The following XKR3 variants were observed in gnomAD, a reference collection of about 807,000 sequenced individuals.
The protein encoded by XKR3 is XK related 3.
XKR3 carries 27 observed loss-of-function variants against 40.3 expected under a neutral mutation model. That is an observed-to-expected ratio of 0.67 (90% confidence interval 0.49 to 0.92). XKR3 has a LOEUF of 0.92. XKR3 is among the 40% of genes least tolerant of loss of function. The pLI, the probability that XKR3 is intolerant of heterozygous loss-of-function variation, is 0.00. For synonymous variants in XKR3, 193 were observed against 195.4 expected (o/e 0.99, Z 0.10); for missense variants, 472 against 537.6 (o/e 0.88, Z 1.21).
chr22:16,788,236 C>G (rs5748625), intron 3 of XKR3, among the ~76,000 whole-genome samples: 1 of 152,048 alleles, frequency 6.6e-6, no homozygotes, highest in Non-Finnish European at 1.5e-5. Context: ...TACCATATTT[C>G]TTGAGACAAA....
intron 1 of XKR3, among the ~76,000 whole-genome samples, chr22:16,819,699 C>T (rs1421052616): frequency 2.0e-5 from 3 of 151,960 alleles, no homozygotes; most frequent in South Asian, 2.1e-4. Context: ...CCCTCTTAGG[C>T]GTGGCAAAGA....
At chr22:16,796,214 C>T (rs1339986636) in intron 3 of XKR3, among the ~76,000 whole-genome samples, 5 of 152,004 alleles carry the variant, frequency 3.3e-5, no homozygotes, top group Admixed American at 6.6e-5. Flanking sequence ...AATAAAGAAC[C>T]TACCAATATT....
At chr22:16,784,507 C>G in intron 3 of XKR3, 98 bp from the exon 4 acceptor site, 4 of 1,093,246 alleles carry the variant, frequency 3.7e-6, no homozygotes, top group Non-Finnish European at 5.1e-6. Flanking sequence ...TTCTTCCTCA[C>G]CCACCTCCTT....
intron 3 of XKR3, among the ~76,000 whole-genome samples, chr22:16,795,042 A>G (rs1355578606): frequency 6.6e-6 from 1 of 152,216 alleles, no homozygotes; most frequent in Non-Finnish European, 1.5e-5. Context: ...TCAACACTTG[A>G]CCAAATGGAA....
chr22:16,795,889 C>T (rs1356288142), intron 3 of XKR3, among the ~76,000 whole-genome samples: 2 of 152,108 alleles, frequency 1.3e-5, no homozygotes, highest in Non-Finnish European at 1.5e-5. Flanking sequence ...ATTGCTTGAA[C>T]CTGGGAGGTG....
At chr22:16,794,440 C>A (rs1380562010) in intron 3 of XKR3, among the ~76,000 whole-genome samples, 1 of 151,716 alleles carries the variant, frequency 6.6e-6, no homozygotes, top group African/African-American at 2.4e-5. Context: ...AAAAAAAAAT[C>A]CAAGAATTTT....
intron 1 of XKR3, chr22:16,821,669 C>T (rs905337728): frequency 2.6e-5 from 4 of 151,924 alleles, no homozygotes; most frequent in Admixed American, 6.6e-5. Context: ...TTCACTGATA[C>T]GTTCTGCATC....
chr22:16,808,344 T>C (rs1281451292), intron 1 of XKR3, among the ~76,000 whole-genome samples: 1 of 152,194 alleles, frequency 6.6e-6, no homozygotes, highest in Non-Finnish European at 1.5e-5. Flanking sequence ...AACTACCTCT[T>C]AGCACTGAGA....
Position 16,783,918 on chromosome 22 carries a change from C to T in XKR3, c.1081G>A (p.Val361Ile). 1 of 1,614,150 alleles carries T rather than the reference C, an allele frequency of 6.2e-7. No individual in the cohort carries two copies. The highest frequency in any genetic ancestry group is 8.5e-7 in the Non-Finnish European group (1 of 1,180,030). The change falls in exon 4 of 4, where the codon GTA (valine) becomes ATA (isoleucine). Residue 361 changes from valine to isoleucine, a missense_variant. Coordinates refer to ENST00000684488, the MANE Select transcript of XKR3 (RefSeq NM_001386955.1). The part of the protein sequence containing the change: ...QFLENVIMIL[V>I]FRFFGGKTLL... ...GTTTTCCCTCCAAAGAACCTAAATACCAATATCATTATCACATTTTCTAAA... is the reference window on the plus strand; with the variant it reads ...GTTTTCCCTCCAAAGAACCTAAATATCAATATCATTATCACATTTTCTAAA...
At chr22:16,798,194 C>CAAAAAAAAAAAAAAAAAAAAAA in intron 3 of XKR3, among the ~76,000 whole-genome samples, 1 of 143,414 alleles carries the variant, frequency 7.0e-6, no homozygotes, top group Non-Finnish European at 1.5e-5. Context: ...AAAAAAAAAA[C>CAAAAAAAAAAAAAAAAAAAAAA]AACAACAACA....
In XKR3 at chr22:16,807,791, T is replaced by C. The variant is rs1458530311; in HGVS notation, c.283A>G (p.Asn95Asp). 1 of 1,612,888 alleles carries C rather than the reference T, an allele frequency of 6.2e-7. No individual in the cohort carries two copies. The highest frequency in any genetic ancestry group is 1.1e-5 in the South Asian group (1 of 90,990). The change falls in exon 2 of 4, where the codon AAT (asparagine) becomes GAT (aspartate). Residue 95 changes from asparagine to aspartate, a missense_variant. Asn to Asp is a conservative substitution (Grantham distance 23). Transcript: ENST00000684488. ...LMFFNKDLRR[N>D]KAALLFWHIL... ...TGCCAAAAAAGTAATGCAGCCTTAT[T>C]TCTCCTCAAGTCTTTGTTGAAAAAC...
chr22:16,784,865 A>G (rs1348660936), intron 3 of XKR3, among the ~76,000 whole-genome samples: 4 of 152,254 alleles, frequency 2.6e-5, no homozygotes, highest in Non-Finnish European at 5.9e-5. Context: ...TAGGAGACTA[A>G]TGTAATATAG....
In XKR3 at chr22:16,791,271, T is replaced by C. The variant is rs556720072; in HGVS notation, c.590-6862A>G. Among the ~76,000 whole-genome samples the C allele has an allele frequency of 1.5e-4, 22 of 151,670 alleles. No individual in the cohort carries two copies. In the South Asian group the frequency reaches 4.6e-3, roughly 32 times the overall value. ...GCAACAGGGATGAACCTGGAAGACA[T>C]TACGTTGAGTGAAAAAAAATGGTCT... On this transcript the variant is annotated intron_variant, in intron 3 of 3. Transcript: ENST00000684488.
chr22:16,789,244 ATAT>A (rs757233123), intron 3 of XKR3, among the ~76,000 whole-genome samples: 85 of 152,304 alleles, frequency 5.6e-4, no homozygotes, highest in Non-Finnish European at 1.0e-3. Context: ...TTTCCTAATG[ATAT>A]TATATGGAAA....
chr22:16,792,444 G>A (rs1414732479), intron 3 of XKR3, among the ~76,000 whole-genome samples: 135 of 152,294 alleles, frequency 8.9e-4, no homozygotes, highest in African/African-American at 3.2e-3. Context: ...GAACTTATTT[G>A]TAAAAAAATT....
chr22:16,794,592 G>C (rs2060133037), intron 3 of XKR3, among the ~76,000 whole-genome samples: 1 of 152,156 alleles, frequency 6.6e-6, no homozygotes, highest in Non-Finnish European at 1.5e-5. Context: ...TGAAAGAATG[G>C]TATCTGCTCT....
chr22:16,822,125 T>C (rs900302243), intron 1 of XKR3, among the ~76,000 whole-genome samples: 7 of 152,142 alleles, frequency 4.6e-5, no homozygotes, highest in Admixed American at 3.3e-4. Context: ...CTTTTTTCTT[T>C]AATCAAATCT....
At chr22:16,817,388 G>T (rs1300795227) in intron 1 of XKR3, among the ~76,000 whole-genome samples, 1 of 151,756 alleles carries the variant, frequency 6.6e-6, no homozygotes, top group Non-Finnish European at 1.5e-5. Flanking sequence ...GTTATATCTT[G>T]TACGTAATAT....
chr22:16,824,038 A>C (rs748719557), intron 1 of XKR3, among the ~76,000 whole-genome samples: 2 of 152,216 alleles, frequency 1.3e-5, no homozygotes, highest in Non-Finnish European at 2.9e-5. Context: ...CAACAACAAC[A>C]AAATAATTTG....
Sources: gnomAD v4.1 joint callset for allele counts (sites outside exome capture counted in the v4.1 genomes callset) on GRCh38, gnomAD v4.1.1 for gene constraint, MANE v1.5 for transcripts, NCBI Gene and HGNC (gene_info 2026-07-23, HGNC 2026-07-21) for gene names.